ADGRL2: variants seen among roughly 807,000 people sequenced by gnomAD.
The protein encoded by ADGRL2 is adhesion G protein-coupled receptor L2.
A neutral mutation model predicts 157.4 loss-of-function variants in ADGRL2; 44 were observed. That is an observed-to-expected ratio of 0.28 (90% confidence interval 0.22 to 0.36). The LOEUF is 0.36. ADGRL2 is among the 10% of genes least tolerant of loss of function. ADGRL2 has a pLI of 1.00. For synonymous variants in ADGRL2, 585 were observed against 624.7 expected (o/e 0.94, Z 0.95); for missense variants, 1,510 against 1,768.9 (o/e 0.85, Z 2.63).
At position 81,461,491 on chromosome 1, in the gene ADGRL2, C is replaced by A. The variant is rs147554312; in HGVS notation, c.-248+16402C>A. 6.4e-4 allele frequency among the ~76,000 whole-genome samples: 97 copies of A among 152,262 alleles called. No individual in the cohort carries two copies. The Middle Eastern group carries it at 0.017, about 27-fold the overall frequency. ...TAATGCCCAGTTACCTTCAATGATT[C>A]TAACTTTTACATAGTGTTAACTGTC... On this transcript the variant is annotated intron_variant, in intron 2 of 24. Coordinates refer to the ADGRL2 transcript ENST00000370721.
At chr1:81,937,790 GA>G (rs2095331731) in intron 4 of ADGRL2, among the ~76,000 whole-genome samples, 1 of 151,574 alleles carries the variant, frequency 6.6e-6, no homozygotes, top group Non-Finnish European at 1.5e-5. Context: ...GCCAAATAAT[GA>G]AACTGCTCTT....
chr1:81,512,424 C>A (rs77327714), intron 2 of ADGRL2, among the ~76,000 whole-genome samples: 3 of 152,128 alleles, frequency 2.0e-5, no homozygotes, highest in African/African-American at 4.8e-5. Context: ...ATTTTAGTAA[C>A]GTCAGCAGTT....
intron 2 of ADGRL2, among the ~76,000 whole-genome samples, chr1:81,850,513 G>A (rs1176095933): frequency 6.6e-6 from 1 of 151,904 alleles, no homozygotes; most frequent in African/African-American, 2.4e-5. Context: ...TGACTTCAAA[G>A]TGAGGTTTTC....
upstream of ADGRL2, among the ~76,000 whole-genome samples, chr1:81,696,675 C>T (rs569351117): frequency 2.0e-5 from 3 of 152,206 alleles, no homozygotes; most frequent in East Asian, 3.9e-4. Context: ...TGGCGTGAAC[C>T]CGGGAGGCGG....
intron 1 of ADGRL2, among the ~76,000 whole-genome samples, chr1:81,395,738 T>A (rs542272989): frequency 6.6e-6 from 1 of 152,222 alleles, no homozygotes; most frequent in South Asian, 2.1e-4. Context: ...AGGATGGGGG[T>A]CTAGTTTCAT....
At chr1:81,403,624 A>T (rs56384715) in intron 1 of ADGRL2, among the ~76,000 whole-genome samples, 19,507 of 152,074 alleles carry the variant, frequency 0.13, 1,402 homozygotes, top group Admixed American at 0.17. Flanking sequence ...GTGGTGTTAT[A>T]ATCAAATAAT....
At chr1:81,723,211 C>T in intron 1 of ADGRL2, 1 of 441,640 alleles carries the variant, frequency 2.3e-6, no homozygotes, top group Non-Finnish European at 4.1e-6. Context: ...CCCTACCCTT[C>T]TCCCCCAAAT....
rs1651696431 is a variant in ADGRL2, at chr1:81,951,229, G to A, written c.1608+108G>A. 13 of 675,766 alleles carry A rather than the reference G, an allele frequency of 1.9e-5. No homozygotes were observed. The South Asian group carries it at 2.3e-4, about 12-fold the overall frequency. The allele number at this position is 675,766 out of a possible 1,614,324, so 41.9% of individuals were successfully genotyped here. ...AACCAGCTTTATTGCTCTTTGTTCA[G>A]TATAAAAGTAAAAAAAAATTACGCA... On this transcript the variant is annotated intron_variant, in intron 8 of 23. Transcript: ENST00000686636.
intron 1 of ADGRL2, among the ~76,000 whole-genome samples, chr1:81,701,183 G>T (rs1280801437): frequency 6.6e-6 from 1 of 152,112 alleles, no homozygotes; most frequent in Non-Finnish European, 1.5e-5. Context: ...GGCATACCTT[G>T]TTTTCTTTTT....
chr1:81,495,215 C>A (rs1012203470), intron 2 of ADGRL2, among the ~76,000 whole-genome samples: 3 of 152,084 alleles, frequency 2.0e-5, no homozygotes, highest in Non-Finnish European at 4.4e-5. Context: ...AGGGAGCTTA[C>A]GTAAAAATTC....
intron 1 of ADGRL2, among the ~76,000 whole-genome samples, chr1:81,326,981 G>A (rs570255553): frequency 2.5e-4 from 38 of 152,164 alleles, no homozygotes; most frequent in South Asian, 1.2e-3. Context: ...CATCAAACTC[G>A]GATTTCCCTG....
intron 3 of ADGRL2, among the ~76,000 whole-genome samples, chr1:81,908,501 G>T (rs2094635063): frequency 6.6e-6 from 1 of 152,160 alleles, no homozygotes. Context: ...CCTACAGAAG[G>T]ACATATAGGT....
intron 1 of ADGRL2, among the ~76,000 whole-genome samples, chr1:81,739,774 C>T (rs2149216976): frequency 6.6e-6 from 1 of 152,308 alleles, no homozygotes; most frequent in Non-Finnish European, 1.5e-5. Flanking sequence ...GCATTCTTAG[C>T]TTTATTGATA....
intron 17 of ADGRL2, among the ~76,000 whole-genome samples, chr1:81,974,588 C>T (rs1272474876): frequency 6.6e-6 from 1 of 152,102 alleles, no homozygotes; most frequent in African/African-American, 2.4e-5. Flanking sequence ...CAAAAAGGGT[C>T]AGAACGTGCA....
chr1:81,367,464 T>C (rs1347864944), intron 1 of ADGRL2, among the ~76,000 whole-genome samples: 1 of 152,202 alleles, frequency 6.6e-6, no homozygotes, highest in African/African-American at 2.4e-5. Context: ...AATGAGAACA[T>C]GTGGTGTTTG....
At chr1:81,691,556 T>C (rs966843192) in intron 3 of ADGRL2, among the ~76,000 whole-genome samples, 5 of 151,982 alleles carry the variant, frequency 3.3e-5, no homozygotes, top group South Asian at 2.1e-4. Context: ...TGGAGTGCAA[T>C]GGCACGATCT....
upstream of ADGRL2, among the ~76,000 whole-genome samples, chr1:81,798,742 A>G (rs866942201): frequency 6.6e-6 from 1 of 152,146 alleles, no homozygotes; most frequent in Non-Finnish European, 1.5e-5. Context: ...TTTTCCAGAG[A>G]TTATTTCTGA....
chr1:81,757,948 A>G (rs956974978), intron 1 of ADGRL2, among the ~76,000 whole-genome samples: 1 of 152,188 alleles, frequency 6.6e-6, no homozygotes, highest in African/African-American at 2.4e-5. Context: ...TTCAAAACCA[A>G]ACTAAGTAAA....
At chr1:81,456,415 T>TTC (rs2077809194) in intron 2 of ADGRL2, among the ~76,000 whole-genome samples, 1 of 151,992 alleles carries the variant, frequency 6.6e-6, no homozygotes, top group East Asian at 1.9e-4. Context: ...TATTATTATT[T>TTC]TTTGTAGAGA....
Sources: gnomAD v4.1 joint callset for allele counts (sites outside exome capture counted in the v4.1 genomes callset) on GRCh38, gnomAD v4.1.1 for gene constraint, MANE v1.5 for transcripts, NCBI Gene and HGNC (gene_info 2026-07-23, HGNC 2026-07-21) for gene names.